COMMD1: variants seen among roughly 807,000 people sequenced by gnomAD.
COMMD1 encodes the protein COMM domain-containing protein 1.
COMMD1 carries 10 observed loss-of-function variants against 17.2 expected under a neutral mutation model. That is an observed-to-expected ratio of 0.58 (90% CI 0.36 to 0.99). COMMD1 has a LOEUF of 0.99. Ranked by LOEUF, COMMD1 falls within the 50% of genes least tolerant of loss-of-function variation. The pLI, the probability that COMMD1 is intolerant of heterozygous loss-of-function variation, is 0.01. For synonymous variants in COMMD1, 97 were observed against 91.6 expected (o/e 1.06, Z -0.34); for missense variants, 270 against 231.8 (o/e 1.17, Z -1.07).
At chr2:61,955,940 G>T (rs1671188030) in intron 1 of COMMD1, among the ~76,000 whole-genome samples, 1 of 152,168 alleles carries the variant, frequency 6.6e-6, no homozygotes, top group African/African-American at 2.4e-5. Flanking sequence ...GCCCGCCTTG[G>T]CCTCCCAAAG....
At chr2:62,056,695 C>A (rs1197196450) in intron 2 of COMMD1, among the ~76,000 whole-genome samples, 1 of 152,138 alleles carries the variant, frequency 6.6e-6, no homozygotes, top group Non-Finnish European at 1.5e-5. Flanking sequence ...GCATGATCAC[C>A]AATCTCAGCT....
intron 1 of COMMD1, among the ~76,000 whole-genome samples, chr2:61,928,270 C>T (rs1050265283): frequency 3.9e-4 from 59 of 152,172 alleles, no homozygotes; most frequent in African/African-American, 1.4e-3. Flanking sequence ...TCACAATTCT[C>T]GTGCCTCAGC....
At chr2:61,904,281 G>A (rs924375831), upstream of COMMD1, among the ~76,000 whole-genome samples, 21 of 152,364 alleles carry the variant, frequency 1.4e-4, no homozygotes, top group African/African-American at 4.6e-4. Context: ...AAAGTGCTGG[G>A]ATTAGAGGCG....
At chr2:62,072,868 G>T (rs1671236898) in intron 2 of COMMD1, among the ~76,000 whole-genome samples, 1 of 152,358 alleles carries the variant, frequency 6.6e-6, no homozygotes, top group East Asian at 1.9e-4. Context: ...CAGCCGGTGT[G>T]CCTGGCTGTG....
intron 1 of COMMD1, among the ~76,000 whole-genome samples, chr2:61,923,219 A>G (rs1341497994): frequency 1.3e-5 from 2 of 152,124 alleles, no homozygotes; most frequent in East Asian, 3.9e-4. Flanking sequence ...ATTTCATTAG[A>G]TTAGGTGTAG....
rs1302194313 is a variant in COMMD1, at chr2:62,012,258, A to AAC, written c.462+11286_462+11287dup. Among the ~76,000 whole-genome samples the AAC allele has an allele frequency of 2.5e-3, 258 of 102,290 alleles. 2 individuals are homozygous for AAC. The highest frequency in any genetic ancestry group is 0.025 in the East Asian group (100 of 3,982). The allele number at this position is 102,290 out of a possible 152,430, so 67.1% of individuals were successfully genotyped here. A position where few individuals can be genotyped will look rare whatever the true frequency, so the allele number is the denominator to read the frequency against. Reference sequence around the variant, plus strand: ...GGTGACAGAGTGAGACCTTGTCTCAAACACACACACATACACACACACACA... The same window carrying AAC: ...GGTGACAGAGTGAGACCTTGTCTCAAACACACACACACATACACACACACACA... On this transcript the variant is annotated intron_variant, in intron 2 of 2. Coordinates refer to ENST00000311832, the MANE Select transcript of COMMD1 (RefSeq NM_152516.4).
intron 2 of COMMD1, among the ~76,000 whole-genome samples, chr2:62,125,331 T>C (rs1457112485): frequency 6.6e-6 from 1 of 152,220 alleles, no homozygotes; most frequent in African/African-American, 2.4e-5. Context: ...CATCACGATA[T>C]GGGTATCTAT....
chr2:62,024,076 TG>T (rs1021842895), intron 2 of COMMD1, among the ~76,000 whole-genome samples: 13 of 152,248 alleles, frequency 8.5e-5, no homozygotes, highest in Admixed American at 6.5e-4. Context: ...AAAAACATTT[TG>T]GTATATTCAC....
intron 2 of COMMD1, among the ~76,000 whole-genome samples, chr2:62,108,578 A>G (rs1374290187): frequency 6.6e-6 from 1 of 152,162 alleles, no homozygotes; most frequent in Non-Finnish European, 1.5e-5. Context: ...CTTGCCATCT[A>G]TGGGCTAATA....
chr2:61,915,471 T>C (rs1670024497), intron 1 of COMMD1, among the ~76,000 whole-genome samples: 1 of 152,140 alleles, frequency 6.6e-6, no homozygotes, highest in Non-Finnish European at 1.5e-5. Context: ...CTTCTAGCCT[T>C]CAAACACATT....
intron 2 of COMMD1, among the ~76,000 whole-genome samples, chr2:62,091,918 G>A (rs1276031215): frequency 6.6e-6 from 1 of 152,214 alleles, no homozygotes; most frequent in Non-Finnish European, 1.5e-5. Flanking sequence ...TTTGGTTGCA[G>A]CCCTATAATA....
chr2:62,094,950 A>G (rs2104006851), intron 2 of COMMD1, among the ~76,000 whole-genome samples: 1 of 152,276 alleles, frequency 6.6e-6, no homozygotes, highest in South Asian at 2.1e-4. Context: ...GTTTAGGTTC[A>G]GCTCATAGTC....
chr2:61,939,487 A>AT (rs1489266804), intron 1 of COMMD1, among the ~76,000 whole-genome samples: 3 of 151,906 alleles, frequency 2.0e-5, no homozygotes, highest in Non-Finnish European at 2.9e-5. Context: ...AAAAAAAAAA[A>AT]AGAATTGATT....
At chr2:61,916,565 G>C (rs1670056138) in intron 1 of COMMD1, among the ~76,000 whole-genome samples, 1 of 152,020 alleles carries the variant, frequency 6.6e-6, no homozygotes, top group Non-Finnish European at 1.5e-5. Context: ...GGGACTACAG[G>C]TGTGTGCCAA....
intron 2 of COMMD1, among the ~76,000 whole-genome samples, chr2:62,036,864 T>G (rs541345131): frequency 6.6e-6 from 1 of 152,230 alleles, no homozygotes; most frequent in Non-Finnish European, 1.5e-5. Context: ...CTGCTCATAC[T>G]CTTGTGGTAG....
At position 62,012,030 on chromosome 2, in the gene COMMD1, T is replaced by C. The variant is rs146972729; in HGVS notation, c.462+11048T>C. Reference sequence around the variant, plus strand: ...TGGGAGGCTGAGGTAGGTGGATCATTTGAGGTCAGGAGTTTGAGACCAGCC... The same window carrying C: ...TGGGAGGCTGAGGTAGGTGGATCATCTGAGGTCAGGAGTTTGAGACCAGCC... On this transcript the variant is annotated intron_variant, in intron 2 of 2. Transcript: ENST00000311832. 5.6e-3 allele frequency among the ~76,000 whole-genome samples: 853 copies of C among 152,082 alleles called. 3 individuals are homozygous for C. The highest frequency in any genetic ancestry group is 0.019 in the African/African-American group (796 of 41,506).
intron 1 of COMMD1, among the ~76,000 whole-genome samples, chr2:61,974,330 T>C (rs1258468523): frequency 6.6e-6 from 1 of 151,994 alleles, no homozygotes; most frequent in East Asian, 1.9e-4. Flanking sequence ...AATCTGTATC[T>C]ATTTTCATTT....
intron 1 of COMMD1, among the ~76,000 whole-genome samples, chr2:61,983,327 C>G (rs1672007586): frequency 6.6e-6 from 1 of 151,760 alleles, no homozygotes; most frequent in East Asian, 1.9e-4. Flanking sequence ...GTAGTTAGGA[C>G]TACAGGCACG....
Position 61,915,001 on chromosome 2 carries a change from C to A in COMMD1, c.180+9143C>A, listed in dbSNP as rs1670012895. On this transcript the variant is annotated intron_variant, in intron 1 of 2. Coordinates refer to ENST00000311832, the MANE Select transcript of COMMD1 (RefSeq NM_152516.4). Reference sequence around the variant, plus strand: ...GTACCTGGCCAAATTCCTTTCTTTTCTTTCCTTTTTTTTTTTTTTTGAGAT... The same window carrying A: ...GTACCTGGCCAAATTCCTTTCTTTTATTTCCTTTTTTTTTTTTTTTGAGAT... Among the ~76,000 whole-genome samples, 2 of 87,174 alleles carry A rather than the reference C, an allele frequency of 2.3e-5. 1 individual carries two copies. Among genetic ancestry groups the A allele is most frequent in the South Asian group, 1.1e-3 (2 of 1,834 alleles). 57.2% of individuals were successfully genotyped at this position (87,174 alleles called of 152,430 possible).
Sources: gnomAD v4.1 joint callset for allele counts (sites outside exome capture counted in the v4.1 genomes callset) on GRCh38, gnomAD v4.1.1 for gene constraint, MANE v1.5 for transcripts, NCBI Gene and HGNC (gene_info 2026-07-23, HGNC 2026-07-21) for gene names.